The following UNKL variants were observed in gnomAD, a reference collection of about 807,000 sequenced individuals.
The protein encoded by UNKL is unk like zinc finger.
UNKL carries 60 observed loss-of-function variants against 78.0 expected under a neutral mutation model. That is an observed-to-expected ratio of 0.77 (90% confidence interval 0.63 to 0.95). The LOEUF (loss-of-function observed/expected upper bound fraction) is 0.95. Ranked by LOEUF, UNKL falls within the 40% of genes least tolerant of loss-of-function variation. UNKL has a pLI of 0.00. For synonymous variants in UNKL, 608 were observed against 474.8 expected (o/e 1.28, Z -3.65); for missense variants, 1,159 against 1,045.7 (o/e 1.11, Z -1.49).
intron 10 of UNKL, among the ~76,000 whole-genome samples, chr16:1,377,923 T>C (rs985420991): frequency 1.3e-5 from 2 of 152,152 alleles, no homozygotes; most frequent in African/African-American, 2.4e-5. Context: ...TGCATTGCAA[T>C]AGTAACCTTC....
At chr16:1,413,399 T>C (rs2142309540) in intron 2 of UNKL, among the ~76,000 whole-genome samples, 1 of 151,784 alleles carries the variant, frequency 6.6e-6, no homozygotes, top group South Asian at 2.1e-4. Context: ...AGAAACCCTG[T>C]CTCTACTAAA....
rs995196591 is a variant in UNKL, at chr16:1,366,924, C to T, written c.2046+168G>A. 2.3e-4 allele frequency among the ~76,000 whole-genome samples: 11 copies of T among 48,290 alleles called. 1 individual carries two copies. The highest frequency in any genetic ancestry group is 7.9e-4 in the South Asian group (1 of 1,258). 31.7% of individuals were successfully genotyped at this position (48,290 alleles called of 152,430 possible). ...GCTCCCAGGGAGACAGGCAAGGAGGCCACAGGGGGCTGTGCTGGGGTGGGG... is the reference window on the plus strand; with the variant it reads ...GCTCCCAGGGAGACAGGCAAGGAGGTCACAGGGGGCTGTGCTGGGGTGGGG... On this transcript the variant is annotated intron_variant, in intron 14 of 14. Coordinates refer to ENST00000389221, the MANE Select transcript of UNKL (RefSeq NM_001372107.1).
At position 1,400,349 on chromosome 16, in the gene UNKL, C is replaced by T. The variant is rs565104803; in HGVS notation, c.599-840G>A. Reference sequence around the variant, plus strand: ...AGGAGAATTGCTTGAACCTGGCAGGCGGAGGTTGCAGTGAGCTGAGATTGT... The same window carrying T: ...AGGAGAATTGCTTGAACCTGGCAGGTGGAGGTTGCAGTGAGCTGAGATTGT... On this transcript the variant is annotated intron_variant, in intron 4 of 14. Transcript: ENST00000389221. Among the ~76,000 whole-genome samples the T allele has an allele frequency of 4.4e-3, 574 of 130,142 alleles. 8 individuals carry two copies. The highest frequency in any genetic ancestry group is 0.015 in the African/African-American group (536 of 35,872). 85.4% of individuals were successfully genotyped at this position (130,142 alleles called of 152,430 possible). A position where few individuals can be genotyped will look rare whatever the true frequency, so the allele number is the denominator to read the frequency against.
At position 1,399,627 on chromosome 16, in the gene UNKL, G is replaced by A. The variant is rs2037429628; in HGVS notation, c.599-118C>T. ...AATGGAAGGGGCTGCAGGAGGACTT[G>A]GGGAGCGCAGACACACGCCACGGCA... On this transcript the variant is annotated intron_variant, in intron 4 of 14. Transcript: ENST00000389221. The surrounding 1 kb of genome is among the most constrained non-coding windows in gnomAD (Gnocchi z 5.8). The A allele has an allele frequency of 1.3e-5, 19 of 1,461,560 alleles. No homozygotes were observed. In the South Asian group the frequency reaches 2.3e-4, roughly 18 times the overall value. The allele number at this position is 1,461,560 out of a possible 1,614,324, so 90.5% of individuals were successfully genotyped here.
At chr16:1,389,191 G>A (rs1251994265) in intron 9 of UNKL, among the ~76,000 whole-genome samples, 1 of 152,140 alleles carries the variant, frequency 6.6e-6, no homozygotes, top group Non-Finnish European at 1.5e-5. Flanking sequence ...CAGTGTCTTT[G>A]TTATGGACCA....
At chr16:1,394,495 C>T (rs1354446779) in intron 6 of UNKL, 1 of 615,254 alleles carries the variant, frequency 1.6e-6, no homozygotes, top group Non-Finnish European at 3.0e-6. Flanking sequence ...TTGATATTTT[C>T]TGAAAGATGC....
chr16:1,374,194 G>A (rs568487647), intron 10 of UNKL, among the ~76,000 whole-genome samples: 3 of 149,630 alleles, frequency 2.0e-5, no homozygotes, highest in African/African-American at 2.5e-5. Context: ...CCTCAGCAGC[G>A]TGGGGCACAC....
chr16:1,401,380 G>A, intron 4 of UNKL, 188 bp downstream of exon 4: 1 of 661,754 alleles, frequency 1.5e-6, no homozygotes, highest in Non-Finnish European at 2.2e-6. Flanking sequence ...AAGGCGCCTG[G>A]GCCCAAATCC....
Position 1,413,917 on chromosome 16 carries a change from G to A in UNKL, c.216C>T (p.Thr72=), listed in dbSNP as rs1003109153. The A allele has an allele frequency of 2.4e-5, 37 of 1,558,700 alleles. No individual in the cohort carries two copies. The highest frequency in any genetic ancestry group is 3.0e-5 in the Non-Finnish European group (35 of 1,151,476). The part of the protein sequence containing the change: ...RRRPLRRRDG[T]FNYSPDVYCS... ...AGTACACGTCGGGGCTGTAGTTGAAGGTGCCGTCGCGCCTGCGGAGGGGCC... is the reference window on the plus strand; with the variant it reads ...AGTACACGTCGGGGCTGTAGTTGAAAGTGCCGTCGCGCCTGCGGAGGGGCC... The change falls in exon 2 of 15, where the codon ACC becomes ACT. Residue 72 remains threonine, a synonymous_variant. Transcript: ENST00000389221.
chr16:1,370,589 C>T (rs955259051), intron 11 of UNKL, among the ~76,000 whole-genome samples: 1 of 152,132 alleles, frequency 6.6e-6, no homozygotes, highest in Non-Finnish European at 1.5e-5. Context: ...GGGATTCCAA[C>T]CAGAGGTGGG....
intron 4 of UNKL, 62 bp downstream of exon 4, chr16:1,401,506 A>C: frequency 7.0e-7 from 1 of 1,426,284 alleles, no homozygotes; most frequent in Non-Finnish European, 9.3e-7. Context: ...AAGTGGCCCG[A>C]GCTGTTCTCG....
intron 8 of UNKL, among the ~76,000 whole-genome samples, chr16:1,392,551 C>T (rs1596725935): frequency 6.6e-6 from 1 of 152,324 alleles, no homozygotes; most frequent in Non-Finnish European, 1.5e-5. Flanking sequence ...TCTCCCGCCT[C>T]AGCCTCCTGA....
At chr16:1,400,115 C>G (rs1046983355) in intron 4 of UNKL, among the ~76,000 whole-genome samples, 7 of 152,148 alleles carry the variant, frequency 4.6e-5, no homozygotes, top group African/African-American at 1.7e-4. Context: ...AAAAATAAAG[C>G]CTATTTTTAG....
At chr16:1,405,828 G>A (rs1438671270) in intron 2 of UNKL, 1 of 410,940 alleles carries the variant, frequency 2.4e-6, no homozygotes, top group African/African-American at 2.1e-5. Flanking sequence ...CAATGCCCTG[G>A]ACCCACCGAG....
chr16:1,386,240 C>G (rs1039406737), intron 9 of UNKL, among the ~76,000 whole-genome samples: 3 of 152,062 alleles, frequency 2.0e-5, no homozygotes, highest in Admixed American at 6.6e-5. Context: ...GAAACCCTGT[C>G]TCTACTAAAA....
chr16:1,379,493 C>A (rs1309802765), intron 10 of UNKL: 3 of 985,298 alleles, frequency 3.0e-6, no homozygotes, highest in Non-Finnish European at 3.6e-6. Flanking sequence ...GGGCCCACCC[C>A]GCGGCTGTCA....
intron 8 of UNKL, among the ~76,000 whole-genome samples, chr16:1,391,341 C>T (rs879305958): frequency 6.6e-6 from 1 of 152,130 alleles, no homozygotes; most frequent in African/African-American, 2.4e-5. Context: ...TGTTTTGAGA[C>T]AGGATCTCGC....
chr16:1,378,813 C>T (rs1801641326), intron 10 of UNKL: 1 of 152,204 alleles, frequency 6.6e-6, no homozygotes, highest in Admixed American at 6.5e-5. Flanking sequence ...TCCACCACCC[C>T]TAGGGTGCTA....
At chr16:1,401,840 T>C (rs1340675737) in intron 3 of UNKL, 139 bp from the exon 4 acceptor site, 5 of 1,206,724 alleles carry the variant, frequency 4.1e-6, no homozygotes, top group Non-Finnish European at 5.6e-6. Flanking sequence ...AGTCTCAGTG[T>C]GTGGCGCTCC....
Sources: allele counts gnomAD v4.1 joint callset (sites outside exome capture counted in the v4.1 genomes callset), GRCh38; gene constraint gnomAD v4.1.1; non-coding constraint Gnocchi (gnomAD v3.1); transcripts MANE v1.5; gene names NCBI Gene and HGNC (gene_info 2026-07-23, HGNC 2026-07-21).